The following EFCAB7 variants were observed in gnomAD, a reference collection of about 807,000 sequenced individuals.
The protein encoded by EFCAB7 is EF-hand calcium-binding domain-containing protein 7.
EFCAB7 carries 66 observed loss-of-function variants against 77.1 expected under a neutral mutation model. The observed-to-expected ratio is 0.86, with a 90% CI of 0.70 to 1.05. The LOEUF is 1.05. EFCAB7 is among the 50% of genes least tolerant of loss of function. The pLI, the probability that EFCAB7 is intolerant of heterozygous loss-of-function variation, is 0.00. For synonymous variants in EFCAB7, 225 were observed against 243.3 expected (o/e 0.92, Z 0.70); for missense variants, 638 against 730.5 (o/e 0.87, Z 1.46).
At chr1:63,559,837 TTA>T (rs1647074141) in intron 10 of EFCAB7, among the ~76,000 whole-genome samples, 1 of 152,208 alleles carries the variant, frequency 6.6e-6, no homozygotes, top group Admixed American at 6.5e-5. Context: ...TTGAATATAT[TTA>T]TGTCGGTCTA....
intron 10 of EFCAB7, among the ~76,000 whole-genome samples, chr1:63,561,500 AC>A (rs1647100043): frequency 6.6e-6 from 1 of 152,216 alleles, no homozygotes; most frequent in Non-Finnish European, 1.5e-5. Flanking sequence ...GAAATTGTGT[AC>A]TACGATATAT....
At chr1:63,566,105 A>G (rs1056386330) in intron 11 of EFCAB7, among the ~76,000 whole-genome samples, 3 of 152,270 alleles carry the variant, frequency 2.0e-5, no homozygotes, top group Non-Finnish European at 2.9e-5. Context: ...CTAAATGCCC[A>G]TCAGTGGAAA....
chr1:63,542,124 C>CA (rs1646836311), intron 6 of EFCAB7, among the ~76,000 whole-genome samples: 1 of 152,136 alleles, frequency 6.6e-6, no homozygotes, highest in Non-Finnish European at 1.5e-5. Flanking sequence ...CAGCCCCTGG[C>CA]AACCACCATT....
At chr1:63,540,259 G>C (rs1246609762) in intron 6 of EFCAB7, among the ~76,000 whole-genome samples, 1 of 151,472 alleles carries the variant, frequency 6.6e-6, no homozygotes, top group Non-Finnish European at 1.5e-5. Context: ...AGCTACTCGG[G>C]AGGCTGAGGC....
chr1:63,550,616 T>G (rs2100903115), intron 7 of EFCAB7: 1 of 149,052 alleles, frequency 6.7e-6, no homozygotes, highest in Admixed American at 6.7e-5. Context: ...CAAGCAACAT[T>G]AAAAATAGAT....
In EFCAB7 at chr1:63,525,629, A is replaced by T; in HGVS notation, c.57A>T (p.Ser19=). ...ATFSSQKSTP[S]ESPRTKKFPL... ...TCTCCAGTCAGAAATCAACACCTTC[A>T]GAGAGTCCTCGAACAAAGAAATTTC... Residue 19 remains serine, a synonymous_variant, in exon 2 of 14, where the codon TCA becomes TCT. Coordinates refer to ENST00000371088, the MANE Select transcript of EFCAB7 (RefSeq NM_032437.4). The T allele has an allele frequency of 6.3e-7, 1 of 1,598,184 alleles. No individual in the cohort carries two copies. The highest frequency in any genetic ancestry group is 1.8e-5 in the Admixed American group (1 of 54,248).
chr1:63,546,556 C>T (rs919635934), intron 7 of EFCAB7, among the ~76,000 whole-genome samples: 2 of 152,036 alleles, frequency 1.3e-5, no homozygotes, highest in Non-Finnish European at 2.9e-5. Flanking sequence ...TTAGTAGAGA[C>T]AGGGTTTCAC....
At chr1:63,551,570 G>A (rs111510519) in intron 7 of EFCAB7, among the ~76,000 whole-genome samples, 155 bp from the exon 8 acceptor site, 1 of 149,534 alleles carries the variant, frequency 6.7e-6, no homozygotes, top group African/African-American at 2.5e-5. Flanking sequence ...CAGGCTGGGT[G>A]ACCAAGTGAG....
intron 12 of EFCAB7, chr1:63,569,704 A>G (rs1302524928): frequency 1.3e-5 from 2 of 152,266 alleles, no homozygotes; most frequent in Non-Finnish European, 2.9e-5. Context: ...GGTAAATAAC[A>G]TACAGAATGG....
chr1:63,555,329 A>T (rs1647017693), intron 8 of EFCAB7, 29 bp from the exon 9 acceptor site: 2 of 1,583,478 alleles, frequency 1.3e-6, no homozygotes. Flanking sequence ...AAGACTGATG[A>T]TTGTTTTATT....
intron 13 of EFCAB7, 89 bp from the exon 14 acceptor site, chr1:63,572,353 C>A: frequency 9.7e-7 from 1 of 1,034,920 alleles, no homozygotes; most frequent in Non-Finnish European, 1.4e-6. Flanking sequence ...TATTCTTATA[C>A]AAGGCCTAGA....
At chr1:63,550,538 T>C (rs1646952135) in intron 7 of EFCAB7, 1 of 152,056 alleles carries the variant, frequency 6.6e-6, no homozygotes, top group Admixed American at 6.6e-5. Context: ...TCTACACAGA[T>C]TTTTATATCA....
At position 63,557,187 on chromosome 1, in the gene EFCAB7, T is replaced by C; in HGVS notation, c.1288T>C (p.Phe430Leu). ...NGLLSLEEYNFFELRTSGEKC... is the reference protein window; with the variant it reads ...NGLLSLEEYNLFELRTSGEKC... ...TCTTCTTAGCCTTGAAGAATATAAT[T>C]TTTTTGAATTGAGAACAAGTGGTGA... The change falls in exon 10 of 14, where the codon TTT becomes CTT. Residue 430 changes from phenylalanine to leucine, a missense_variant. Physicochemically the swap from Phe to Leu is conservative, Grantham distance 22 (BLOSUM62 0). Transcript: ENST00000371088. 6.2e-7 allele frequency: 1 copy of C among 1,611,134 alleles called. No homozygotes were observed. Among genetic ancestry groups the C allele is most frequent in the Non-Finnish European group, 8.5e-7 (1 of 1,179,250 alleles).
intron 6 of EFCAB7, among the ~76,000 whole-genome samples, chr1:63,540,873 T>G (rs912664269): frequency 6.6e-6 from 1 of 151,826 alleles, no homozygotes; most frequent in Non-Finnish European, 1.5e-5. Flanking sequence ...AGAAGAAATT[T>G]CCAAAGAAAA....
intron 2 of EFCAB7, among the ~76,000 whole-genome samples, chr1:63,530,375 T>A (rs768898218): frequency 5.9e-5 from 9 of 152,206 alleles, no homozygotes; most frequent in Non-Finnish European, 8.8e-5. Context: ...TCAGGACAAT[T>A]GTATCTTTTA....
At chr1:63,560,556 AC>A (rs1647085624) in intron 10 of EFCAB7, among the ~76,000 whole-genome samples, 1 of 125,950 alleles carries the variant, frequency 7.9e-6, no homozygotes, top group East Asian at 2.4e-4. Flanking sequence ...TCACTCTGTC[AC>A]CCAGGCTGTA....
intron 9 of EFCAB7, among the ~76,000 whole-genome samples, chr1:63,556,245 A>T (rs1371845803): frequency 2.0e-5 from 3 of 152,184 alleles, no homozygotes; most frequent in Non-Finnish European, 1.5e-5. Flanking sequence ...AAGAGAATAG[A>T]TATTAAATGT....
downstream of EFCAB7, among the ~76,000 whole-genome samples, chr1:63,572,965 A>G (rs571474740): frequency 6.8e-4 from 104 of 152,248 alleles, no homozygotes; most frequent in Non-Finnish European, 1.2e-3. Context: ...TAATGTCATC[A>G]GTTAAGGCAG....
chr1:63,558,168 T>C (rs968199087), intron 10 of EFCAB7, among the ~76,000 whole-genome samples: 2 of 152,226 alleles, frequency 1.3e-5, no homozygotes, highest in Admixed American at 1.3e-4. Flanking sequence ...ATATACATAA[T>C]AGAGTATTAC....
Sources: allele counts gnomAD v4.1 joint callset (sites outside exome capture counted in the v4.1 genomes callset), GRCh38; gene constraint gnomAD v4.1.1; transcripts MANE v1.5; gene names NCBI Gene and HGNC (gene_info 2026-07-23, HGNC 2026-07-21).